Variants in NFIX observed in about 807,000 individuals in gnomAD.
The protein encoded by NFIX is nuclear factor I X.
Under a neutral mutation model 53.3 loss-of-function variants are expected in NFIX, and 2 were observed. The observed-to-expected ratio is 0.04, with a 90% CI of 0.02 to 0.12. NFIX has a LOEUF of 0.12. Among genes scored for constraint, NFIX ranks in the 10% least tolerant of loss-of-function variants. The pLI, the probability that NFIX is intolerant of heterozygous loss-of-function variation, is 1.00. For missense variants in NFIX, 310 were observed against 674.5 expected, an observed-to-expected ratio of 0.46 and a Z score of 5.99; for synonymous variants, 244 against 289.0, an observed-to-expected ratio of 0.84 and a Z score of 1.58.
chr19:13,092,674 T>A (rs1236038256), intron 10 of NFIX, among the ~76,000 whole-genome samples: 1 of 152,234 alleles, frequency 6.6e-6, no homozygotes, highest in South Asian at 2.1e-4. Context: ...ACAGGGTTCC[T>A]GTATAGTCTC....
At chr19:13,048,114 T>C (rs904051551) in intron 2 of NFIX, among the ~76,000 whole-genome samples, 1 of 152,230 alleles carries the variant, frequency 6.6e-6, no homozygotes, top group Non-Finnish European at 1.5e-5. Flanking sequence ...AGAATCTTGC[T>C]CAAGGCCACC....
intron 2 of NFIX, among the ~76,000 whole-genome samples, chr19:13,039,256 G>A (rs1450479139): frequency 1.3e-5 from 2 of 151,480 alleles, no homozygotes; most frequent in African/African-American, 2.4e-5. Flanking sequence ...GTGTGTGTGT[G>A]TGTGTAGGGT....
At chr19:13,054,000 G>A (rs1037146732) in intron 2 of NFIX, among the ~76,000 whole-genome samples, 1 of 152,184 alleles carries the variant, frequency 6.6e-6, no homozygotes, top group East Asian at 1.9e-4. Flanking sequence ...TGCGGCCAGC[G>A]GCATTCTTTG....
chr19:13,028,540 G>A lies in NFIX; in HGVS notation c.559+2988G>A, dbSNP rs1370072590. On this transcript the variant is annotated intron_variant, in intron 2 of 10. Transcript: ENST00000592199. This position sits in a 1 kb window ranked among gnomAD's most constrained non-coding sequence, Gnocchi z 4.2. Reference sequence around the variant, plus strand: ...AGGGAATAAAGGACGTGTGTTTGGCGTTGAAACTCCACTCCCAGAATACTG... The same window carrying A: ...AGGGAATAAAGGACGTGTGTTTGGCATTGAAACTCCACTCCCAGAATACTG... 4.6e-5 allele frequency among the ~76,000 whole-genome samples: 7 copies of A among 152,174 alleles called. No homozygotes were observed. Among genetic ancestry groups the A allele is most frequent in the Non-Finnish European group, 4.4e-5 (3 of 68,038 alleles).
Position 13,097,956 on chromosome 19 carries a change from C to G in NFIX, c.*3307C>G, listed in dbSNP as rs2018561868. The G allele has an allele frequency of 1.3e-5, 2 of 154,304 alleles. No individual in the cohort carries two copies. Among genetic ancestry groups the G allele is most frequent in the African/African-American group, 4.8e-5 (2 of 41,456 alleles). 9.6% of individuals were successfully genotyped at this position (154,304 alleles called of 1,614,324 possible). A position where few individuals can be genotyped will look rare whatever the true frequency, so the allele number is the denominator to read the frequency against. ...CGATTTGCCCAGGCCCGCGCCCGCA[C>G]GCACGCACGCACACGGCCCCGCACA... On this transcript the variant is annotated 3_prime_UTR_variant, in exon 11 of 11. Transcript: ENST00000592199.
intron 2 of NFIX, among the ~76,000 whole-genome samples, chr19:13,064,981 T>G (rs1278236169): frequency 6.6e-6 from 1 of 152,206 alleles, no homozygotes; most frequent in African/African-American, 2.4e-5. Flanking sequence ...CTTTTACAGA[T>G]GAGGAAACAG....
At chr19:13,019,558 T>G (rs2012848320) in intron 1 of NFIX, among the ~76,000 whole-genome samples, 2 of 152,098 alleles carry the variant, frequency 1.3e-5, no homozygotes, top group Non-Finnish European at 2.9e-5. Context: ...CTCTCCAGGT[T>G]TGGCTTTTTT....
chr19:13,079,228 A>G (rs1470467420), intron 7 of NFIX, among the ~76,000 whole-genome samples: 3 of 152,216 alleles, frequency 2.0e-5, no homozygotes, highest in Admixed American at 2.0e-4. Context: ...TGCGGCAAGT[A>G]GCTACCTTGT....
At chr19:13,016,097 C>T (rs370437374) in intron 1 of NFIX, among the ~76,000 whole-genome samples, 15 of 152,082 alleles carry the variant, frequency 9.9e-5, no homozygotes, top group African/African-American at 2.2e-4. Context: ...GTGTATCAAG[C>T]GGCCTAACTT....
At position 13,002,329 on chromosome 19, in the gene NFIX, A is replaced by G. The variant is rs1342296088; in HGVS notation, c.27+6465A>G. Among the ~76,000 whole-genome samples, 2 of 151,078 alleles carry G rather than the reference A, an allele frequency of 1.3e-5. No individual in the cohort carries two copies. The highest frequency in any genetic ancestry group is 6.6e-5 in the Admixed American group (1 of 15,218). On this transcript the variant is annotated intron_variant, in intron 1 of 10. Transcript: ENST00000592199. This position sits in a 1 kb window ranked among gnomAD's most constrained non-coding sequence, Gnocchi z 6.1. ...TCTCTCCTCCTCGATTTTTGGCTCC[A>G]GCTCTGGGCGCGTTCACTAAAGGAA...
rs773204668 is a variant in NFIX, at chr19:13,009,052, G to A, written c.27+13188G>A. Reference sequence around the variant, plus strand: ...TGCCTCATCCCCACTCACAGTCAACGCCCGCAACACCCCGCCACCCGCAGT... The same window carrying A: ...TGCCTCATCCCCACTCACAGTCAACACCCGCAACACCCCGCCACCCGCAGT... On this transcript the variant is annotated intron_variant, in intron 1 of 10. Transcript: ENST00000592199. The surrounding 1 kb of genome is among the most constrained non-coding windows in gnomAD (Gnocchi z 4.7). Among the ~76,000 whole-genome samples, 7 of 152,092 alleles carry A rather than the reference G, an allele frequency of 4.6e-5. No homozygotes were observed. Among genetic ancestry groups the A allele is most frequent in the Non-Finnish European group, 8.8e-5 (6 of 68,012 alleles).
At chr19:13,055,750 C>T (rs1310718528) in intron 2 of NFIX, among the ~76,000 whole-genome samples, 2 of 152,186 alleles carry the variant, frequency 1.3e-5, no homozygotes, top group Non-Finnish European at 2.9e-5. Context: ...CGGCTGGCCC[C>T]AGGTTCCCCA....
chr19:13,075,474 T>C, intron 5 of NFIX, 61 bp from the exon 6 acceptor site: 2 of 1,585,026 alleles, frequency 1.3e-6, no homozygotes, highest in Non-Finnish European at 1.7e-6. Flanking sequence ...CCTGGACTCT[T>C]GGTCACTCCC....
chr19:13,063,559 C>G (rs2145383455), intron 2 of NFIX, among the ~76,000 whole-genome samples: 2 of 152,216 alleles, frequency 1.3e-5, no homozygotes, highest in Middle Eastern at 6.8e-3. Context: ...CTGCCTCTCT[C>G]AGAATCTTGT....
chr19:13,054,448 G>T (rs546781356), intron 2 of NFIX, among the ~76,000 whole-genome samples: 20 of 152,212 alleles, frequency 1.3e-4, no homozygotes, highest in Admixed American at 1.2e-3. Context: ...TTCCTAGGGG[G>T]CTGGAGGTGG....
rs969932114 is a variant in NFIX at position 13,006,429 on chromosome 19, C to T, written c.27+10565C>T. ...TATCCATATTTGTGGATATGCCATA[C>T]GGTGCCCGCCCAAAATCTGGGGACA... On this transcript the variant is annotated intron_variant, in intron 1 of 10. Transcript: ENST00000592199. This position sits in a 1 kb window ranked among gnomAD's most constrained non-coding sequence, Gnocchi z 5.6. Among the ~76,000 whole-genome samples, 2 of 152,200 alleles carry T rather than the reference C, an allele frequency of 1.3e-5. No homozygotes were observed. The highest frequency in any genetic ancestry group is 2.1e-4 in the South Asian group (1 of 4,832).
At chr19:13,029,305 A>G (rs2013614940) in intron 2 of NFIX, among the ~76,000 whole-genome samples, 1 of 152,088 alleles carries the variant, frequency 6.6e-6, no homozygotes, top group Non-Finnish European at 1.5e-5. Flanking sequence ...CAATACCACT[A>G]TTATACCCAT....
At chr19:13,039,464 A>G (rs1478467725) in intron 2 of NFIX, among the ~76,000 whole-genome samples, 1 of 152,200 alleles carries the variant, frequency 6.6e-6, no homozygotes, top group African/African-American at 2.4e-5. Context: ...GGCTGCAGAA[A>G]TGCCCCTGGT....
In NFIX at chr19:13,066,073, G is replaced by T. The variant is rs902570276; in HGVS notation, c.560-6974G>T. The stretch of plus-strand genomic sequence containing the variant: ...GACAGGCCTTCTTCACCTCGACACC[G>T]TGTGGGGCCTGAGGCTTTCAGATGA... On this transcript the variant is annotated intron_variant, in intron 2 of 10. Coordinates refer to ENST00000592199, the MANE Select transcript of NFIX (RefSeq NM_001365902.3). This position sits in a 1 kb window ranked among gnomAD's most constrained non-coding sequence, Gnocchi z 4.2. 6.6e-6 allele frequency among the ~76,000 whole-genome samples: 1 copy of T among 152,146 alleles called. No homozygotes were observed. The highest frequency in any genetic ancestry group is 1.9e-4 in the East Asian group (1 of 5,198).
Sources: allele counts gnomAD v4.1 joint callset (sites outside exome capture counted in the v4.1 genomes callset), GRCh38; gene constraint gnomAD v4.1.1; non-coding constraint Gnocchi (gnomAD v3.1); transcripts MANE v1.5; gene names NCBI Gene and HGNC (gene_info 2026-07-23, HGNC 2026-07-21).